The following ZNF205 variants were observed in gnomAD, a reference collection of about 807,000 sequenced individuals.
ZNF205 encodes zinc finger protein 205, also known as transcriptional repressor RHIT.
Under a neutral mutation model 53.6 loss-of-function variants are expected in ZNF205, and 32 were observed. The observed-to-expected ratio is 0.60, with a 90% CI of 0.45 to 0.80. The LOEUF (loss-of-function observed/expected upper bound fraction) is 0.80, where lower values mean the gene tolerates loss of function less well. Among genes scored for constraint, ZNF205 ranks in the 30% least tolerant of loss-of-function variants. The probability of loss-of-function intolerance (pLI) is 0.00; values close to 1 mark genes in which losing one functional copy is unlikely to be tolerated. For missense variants in ZNF205, 836 were observed against 782.4 expected, an observed-to-expected ratio of 1.07 and a Z score of -0.82; for synonymous variants, 382 against 334.3, an observed-to-expected ratio of 1.14 and a Z score of -1.56.
rs769482857 is a variant in ZNF205 at position 3,120,167 on chromosome 16, C to A, written c.1507C>A (p.Pro503Thr). 3 of 1,607,148 alleles carry A rather than the reference C, an allele frequency of 1.9e-6. No individual in the cohort carries two copies. The highest frequency in any genetic ancestry group is 2.6e-6 in the Non-Finnish European group (3 of 1,175,686). The part of the protein sequence containing the change: ...AHQRTHRGVR[P>T]YACPLCGKSF... ...CCAGCGCACCCACCGTGGCGTGCGG[C>A]CCTACGCCTGCCCGTTGTGCGGCAA... The change falls in exon 7 of 7, where the codon CCC becomes ACC. Residue 503 changes from proline to threonine, a missense_variant. Physicochemically the swap from Pro to Thr is conservative, Grantham distance 38. Coordinates refer to ENST00000219091, the MANE Select transcript of ZNF205 (RefSeq NM_001042428.2).
chr16:3,115,884 G>T lies in ZNF205; in HGVS notation c.327G>T (p.Arg109=), dbSNP rs748640134. 13 of 1,613,846 alleles carry T rather than the reference G, an allele frequency of 8.1e-6. No individual in the cohort carries two copies. The highest frequency in any genetic ancestry group is 1.1e-5 in the Non-Finnish European group (13 of 1,179,972). The part of the protein sequence containing the change: ...VLSREGRTRD[R]QMAAALLTAW... ...CCCGAGAGGGGAGGACCAGAGACCG[G>T]CAGATGGCTGCAGCGCTCCTCACTG... Residue 109 remains arginine (R), a synonymous_variant, in exon 4 of 7, where the codon CGG becomes CGT. Coordinates refer to ENST00000219091, the MANE Select transcript of ZNF205 (RefSeq NM_001042428.2).
At position 3,119,034 on chromosome 16, in the gene ZNF205, C is replaced by T. The variant is rs917866556; in HGVS notation, c.595+19C>T. ...TGCACAGGTGAGGGACGGGCGCGCG[C>T]CTTTGTCTGCGGGAGTGGGGCGCAG... On this transcript the variant is annotated intron_variant, in intron 6 of 6. Coordinates refer to ENST00000219091, the MANE Select transcript of ZNF205 (RefSeq NM_001042428.2). 4 of 1,609,512 alleles carry T rather than the reference C, an allele frequency of 2.5e-6. No homozygotes were observed. Among genetic ancestry groups the T allele is most frequent in the African/African-American group, 2.7e-5 (2 of 74,776 alleles).
chr16:3,117,845 C>T (rs1007331306), intron 5 of ZNF205, among the ~76,000 whole-genome samples: 7 of 143,986 alleles, frequency 4.9e-5, no homozygotes, highest in African/African-American at 1.2e-4. Flanking sequence ...ATTCAGTTGA[C>T]GCTTAGCTTT....
chr16:3,115,289 G>T, intron 2 of ZNF205, 66 bp from the exon 3 acceptor site: 3 of 1,291,510 alleles, frequency 2.3e-6, no homozygotes, highest in Non-Finnish European at 3.1e-6. Context: ...CTGCCGGAGC[G>T]CACTGCCATG....
At chr16:3,118,241 C>T (rs1051410487) in intron 5 of ZNF205, among the ~76,000 whole-genome samples, 12 of 151,934 alleles carry the variant, frequency 7.9e-5, no homozygotes, top group Admixed American at 1.3e-4. Flanking sequence ...CCCAAGGCCC[C>T]GCTGGCTGGC....
At position 3,116,418 on chromosome 16, in the gene ZNF205, T is replaced by C; in HGVS notation, c.364-9T>C. On this transcript the variant is annotated splice_polypyrimidine_tract_variant and intron_variant, in intron 4 of 6. Coordinates refer to ENST00000219091, the MANE Select transcript of ZNF205 (RefSeq NM_001042428.2). ...TGTCCTGGAGAGTGGATGTTTCACATTGTTTCAGATGCCAGTGACTTTCGA... is the reference window on the plus strand; with the variant it reads ...TGTCCTGGAGAGTGGATGTTTCACACTGTTTCAGATGCCAGTGACTTTCGA... 6.2e-7 allele frequency: 1 copy of C among 1,613,876 alleles called. No individual in the cohort carries two copies. Among genetic ancestry groups the C allele is most frequent in the East Asian group, 2.2e-5 (1 of 44,886 alleles).
Position 3,116,523 on chromosome 16 carries a change from C to A in ZNF205, c.460C>A (p.Gln154Lys). ...TQQNFYRDVL[Q>K]KKNGLSLGFP... ...GCAGAACTTCTACAGGGATGTCCTG[C>A]AGAAGAAAAATGGGCTGTCACTGGG... The change falls in exon 5 of 7, where the codon CAG (glutamine) becomes AAG (lysine). Residue 154 changes from glutamine to lysine, a missense_variant. Gln to Lys is a moderately conservative substitution (Grantham distance 53). Coordinates refer to ENST00000219091, the MANE Select transcript of ZNF205 (RefSeq NM_001042428.2). The A allele has an allele frequency of 1.9e-6, 3 of 1,613,950 alleles. No homozygotes were observed. The highest frequency in any genetic ancestry group is 1.7e-6 in the Non-Finnish European group (2 of 1,179,948).
intron 5 of ZNF205, among the ~76,000 whole-genome samples, chr16:3,118,195 A>C (rs1957369758): frequency 6.6e-6 from 1 of 151,924 alleles, no homozygotes; most frequent in Non-Finnish European, 1.5e-5. Context: ...GGCAGAATCC[A>C]GGACTCAGCA....
rs781108183 is a variant in ZNF205, at chr16:3,119,690, C to T, written c.1030C>T (p.Arg344Cys). The change falls in exon 7 of 7, where the codon CGC becomes TGC. Residue 344 changes from arginine to cysteine, a missense_variant. Arg to Cys is a radical substitution (Grantham distance 180). Transcript: ENST00000219091. The stretch of plus-strand genomic sequence containing the variant: ...CTACGCCTGCACTGACTGCGGGAAG[C>T]GCTTCGGCCGCAGCTCGCACCTCAT... ...KPYACTDCGK[R>C]FGRSSHLIQH... is the part of the protein sequence containing the mutation. 1.7e-5 allele frequency: 28 copies of T among 1,611,568 alleles called. No homozygotes were observed. The highest frequency in any genetic ancestry group is 2.2e-5 in the South Asian group (2 of 90,916).
At position 3,120,062 on chromosome 16, in the gene ZNF205, C is replaced by T; in HGVS notation, c.1402C>T (p.Arg468Cys). 3 of 1,612,786 alleles carry T rather than the reference C, an allele frequency of 1.9e-6. No homozygotes were observed. Among genetic ancestry groups the T allele is most frequent in the South Asian group, 1.1e-5 (1 of 91,050 alleles). The part of the protein sequence containing the change: ...SQRSNLIAHN[R>C]THTGEKPYHC... Reference sequence around the variant, plus strand: ...GCGTTCCAACCTCATCGCGCACAACCGCACACACACAGGCGAGAAGCCCTA... The same window carrying T: ...GCGTTCCAACCTCATCGCGCACAACTGCACACACACAGGCGAGAAGCCCTA... Residue 468 changes from arginine (R) to cysteine (C), a missense_variant, in exon 7 of 7, where the codon CGC becomes TGC. Physicochemically the swap from Arg to Cys is radical, Grantham distance 180. Transcript: ENST00000219091.
At chr16:3,113,624 G>T in intron 2 of ZNF205, 137 bp downstream of exon 2, 1 of 907,970 alleles carries the variant, frequency 1.1e-6, no homozygotes, top group Non-Finnish European at 1.7e-6. Context: ...TGGCATGCTG[G>T]GTAGTACCCT....
chr16:3,117,084 G>A (rs889790271), intron 5 of ZNF205, among the ~76,000 whole-genome samples: 31 of 152,270 alleles, frequency 2.0e-4, no homozygotes, highest in African/African-American at 6.7e-4. Flanking sequence ...GTGAGCCACC[G>A]CGCCCGGCCA....
intron 3 of ZNF205, 27 bp downstream of exon 3, chr16:3,115,595 T>C: frequency 6.4e-7 from 1 of 1,559,846 alleles, no homozygotes; most frequent in Non-Finnish European, 8.6e-7. Flanking sequence ...GAAGAGGCGC[T>C]TTCCCAGGGA....
chr16:3,114,129 G>A (rs1292585311), intron 2 of ZNF205, among the ~76,000 whole-genome samples: 1 of 152,122 alleles, frequency 6.6e-6, no homozygotes, highest in African/African-American at 2.4e-5. Context: ...TGCCATAGAA[G>A]CACAAAGAAT....
At chr16:3,118,405 C>T (rs1021137727) in intron 5 of ZNF205, among the ~76,000 whole-genome samples, 5 of 152,194 alleles carry the variant, frequency 3.3e-5, no homozygotes, top group African/African-American at 1.2e-4. Flanking sequence ...ATGCCTCAAG[C>T]CACCCGGTTG....
chr16:3,113,470 A>C lies in ZNF205; in HGVS notation c.40A>C (p.Lys14Gln). 6.2e-7 allele frequency: 1 copy of C among 1,613,570 alleles called. No individual in the cohort carries two copies. The highest frequency in any genetic ancestry group is 8.5e-7 in the Non-Finnish European group (1 of 1,179,776). Residue 14 changes from lysine (K) to glutamine (Q), a missense_variant, in exon 2 of 7, where the codon AAG becomes CAG. Physicochemically the swap from Lys to Gln is moderately conservative, Grantham distance 53. Transcript: ENST00000219091. ...DGGGIQDTQD[K>Q]ETPPEVPDRG... is the part of the protein sequence containing the mutation. ...CGGAGGCATCCAGGACACCCAGGAC[A>C]AGGAGACACCCCCGGAGGTACAGAT...
intron 5 of ZNF205, among the ~76,000 whole-genome samples, chr16:3,116,872 G>A (rs1957353045): frequency 6.6e-6 from 1 of 152,168 alleles, no homozygotes; most frequent in African/African-American, 2.4e-5. Flanking sequence ...TCGGCTCACT[G>A]CAAGCTCCGC....
intron 2 of ZNF205, among the ~76,000 whole-genome samples, chr16:3,113,925 G>C (rs1032075644): frequency 6.6e-6 from 1 of 151,964 alleles, no homozygotes; most frequent in Non-Finnish European, 1.5e-5. Flanking sequence ...TATTTGTGGG[G>C]GACCTGGGTC....
Position 3,119,418 on chromosome 16 carries a change from A to C in ZNF205, c.758A>C (p.Gln253Pro), listed in dbSNP as rs1292381093. Residue 253 changes from glutamine (Q) to proline (P), a missense_variant, in exon 7 of 7, where the codon CAG becomes CCG. Transcript: ENST00000219091. The stretch of plus-strand genomic sequence containing the variant: ...TCAGGGCCGGCCAAAGACTCCGGGC[A>C]GCCGGCTGAGCCAGATCGCACCCCG... ...RSSGPAKDSG[Q>P]PAEPDRTPDA... 2 of 1,604,402 alleles carry C rather than the reference A, an allele frequency of 1.2e-6. No individual in the cohort carries two copies. Among genetic ancestry groups the C allele is most frequent in the African/African-American group, 2.7e-5 (2 of 74,700 alleles).
Sources: gnomAD v4.1 joint callset for allele counts (sites outside exome capture counted in the v4.1 genomes callset) on GRCh38, gnomAD v4.1.1 for gene constraint, MANE v1.5 for transcripts, NCBI Gene and HGNC (gene_info 2026-07-23, HGNC 2026-07-21) for gene names.